Variants in AKR1B15 observed in about 807,000 individuals in gnomAD.
AKR1B15 encodes estradiol 17-beta-dehydrogenase AKR1B15.
Under a neutral mutation model 38.5 loss-of-function variants are expected in AKR1B15, and 49 were observed. The ratio of observed to expected loss-of-function variants is 1.27; its 90% CI spans 1.01 to 1.62. AKR1B15 has a LOEUF of 1.62. AKR1B15 is among the 40% of genes most tolerant of loss of function. The pLI, the probability that AKR1B15 is intolerant of heterozygous loss-of-function variation, is 0.00. For synonymous variants in AKR1B15, 137 were observed against 135.5 expected (o/e 1.01, Z -0.08); for missense variants, 411 against 381.6 (o/e 1.08, Z -0.64).
intron 1 of AKR1B15, among the ~76,000 whole-genome samples, chr7:134,550,804 C>T (rs538905249): frequency 1.3e-4 from 20 of 152,232 alleles, no homozygotes; most frequent in East Asian, 5.8e-4. Flanking sequence ...TTACGGGGTC[C>T]GCCTTAAAAA....
intron 2 of AKR1B15, among the ~76,000 whole-genome samples, chr7:134,562,096 G>T (rs910528166): frequency 2.0e-5 from 3 of 152,080 alleles, no homozygotes; most frequent in Admixed American, 2.0e-4. Flanking sequence ...CAATTCTCCT[G>T]TCTCAGCCTC....
At chr7:134,551,254 C>T (rs1020094130) in intron 1 of AKR1B15, among the ~76,000 whole-genome samples, 2 of 152,198 alleles carry the variant, frequency 1.3e-5, no homozygotes. Context: ...ATGGCCTCAG[C>T]CGGAGGAGGT....
At chr7:134,564,518 G>T in intron 2 of AKR1B15, 80 bp from the exon 3 acceptor site, 1 of 555,712 alleles carries the variant, frequency 1.8e-6, no homozygotes, top group Non-Finnish European at 3.2e-6. Context: ...CCCCTTTCTA[G>T]GTCCCATGAA....
In AKR1B15 at chr7:134,579,600, G is replaced by A; in HGVS notation, c.*51G>A. The A allele has an allele frequency of 6.7e-7, 1 of 1,487,314 alleles. No homozygotes were observed. Among genetic ancestry groups the A allele is most frequent in the South Asian group, 1.3e-5 (1 of 78,188 alleles). 92.1% of individuals were successfully genotyped at this position (1,487,314 alleles called of 1,614,324 possible). A position where few individuals can be genotyped will look rare whatever the true frequency, so the allele number is the denominator to read the frequency against. On this transcript the variant is annotated 3_prime_UTR_variant, in exon 12 of 12. Coordinates refer to ENST00000457545, the MANE Select transcript of AKR1B15 (RefSeq NM_001080538.3). ...CAGGGGATTCTCTTTCTTCGCTGAAGTGTGACTGTCTCCACTCAAGAACTA... is the reference window on the plus strand; with the variant it reads ...CAGGGGATTCTCTTTCTTCGCTGAAATGTGACTGTCTCCACTCAAGAACTA...
chr7:134,565,553 A>T (rs547936566), intron 3 of AKR1B15: 1 of 1,613,660 alleles, frequency 6.2e-7, no homozygotes. Context: ...GAGGGTAAAT[A>T]TGCAAATCTT....
rs1357037077 is a variant in AKR1B15, at chr7:134,579,767, C to G, written c.*218C>G. On this transcript the variant is annotated 3_prime_UTR_variant, in exon 12 of 12. Transcript: ENST00000457545. Reference sequence around the variant, plus strand: ...AAGCATGGCCTGAATAAGCAAATGACAATTTTTTCCACTTATCTGATCTGA... The same window carrying G: ...AAGCATGGCCTGAATAAGCAAATGAGAATTTTTTCCACTTATCTGATCTGA... 2.0e-6 allele frequency: 1 copy of G among 492,850 alleles called. No individual in the cohort carries two copies. Among genetic ancestry groups the G allele is most frequent in the African/African-American group, 2.0e-5 (1 of 49,932 alleles). 30.5% of individuals were successfully genotyped at this position (492,850 alleles called of 1,614,324 possible).
intron 1 of AKR1B15, among the ~76,000 whole-genome samples, chr7:134,551,116 CCTT>C (rs753564376): frequency 1.3e-5 from 2 of 152,202 alleles, no homozygotes; most frequent in African/African-American, 4.8e-5. Flanking sequence ...TGTACTGCCT[CCTT>C]CTGAAGAAGA....
intron 11 of AKR1B15, among the ~76,000 whole-genome samples, chr7:134,578,330 G>A (rs1262278378): frequency 1.3e-5 from 2 of 152,168 alleles, no homozygotes; most frequent in Non-Finnish European, 2.9e-5. Context: ...TGAGGGATAT[G>A]CCATATGTAT....
intron 1 of AKR1B15, among the ~76,000 whole-genome samples, chr7:134,554,772 C>T (rs1084613): frequency 0.025 from 3,800 of 152,188 alleles, 162 homozygotes; most frequent in African/African-American, 0.086. Flanking sequence ...ACTGCTACCA[C>T]GGTAGTTAAG....
chr7:134,556,565 C>G lies in AKR1B15; in HGVS notation c.-146-171C>G, dbSNP rs75581814. 4.6e-5 allele frequency among the ~76,000 whole-genome samples: 7 copies of G among 152,266 alleles called. 1 individual carries two copies. The East Asian group carries it at 1.4e-3, about 29-fold the overall frequency. On this transcript the variant is annotated intron_variant, in intron 1 of 11. Coordinates refer to ENST00000457545, the MANE Select transcript of AKR1B15 (RefSeq NM_001080538.3). ...CTTCCTTAAACCCCTCAGTCTCCTA[C>G]CAGGCACCCAAAAATACCTGGTTGG...
intron 3 of AKR1B15, chr7:134,565,328 C>A: frequency 7.8e-7 from 1 of 1,283,762 alleles, no homozygotes; most frequent in Non-Finnish European, 1.1e-6. Flanking sequence ...ACTCCAGACA[C>A]AACATCTTTA....
At chr7:134,576,484 G>C (rs1334545001) in intron 9 of AKR1B15, 54 bp downstream of exon 9, 4 of 1,592,710 alleles carry the variant, frequency 2.5e-6, no homozygotes, top group Non-Finnish European at 3.4e-6. Context: ...CCAGTCTCAT[G>C]TTTCATTTCT....
rs189253733 is a variant in AKR1B15, at chr7:134,575,482, C to A, written c.576C>A (p.His192Gln). The change falls in exon 7 of 12, where the codon CAC becomes CAA. Residue 192 changes from histidine to glutamine, a missense_variant. Around this residue, in one of 3 missense-constraint regions of AKR1B15, gnomAD observed 254 missense variants for 212.4 expected, o/e 1.20. Transcript: ENST00000457545. ...VKALGVSNFN[H>Q]FQIERLLNKP... The stretch of plus-strand genomic sequence containing the variant: ...CCCTTGGGGTCTCAAATTTCAACCA[C>A]TTCCAGATCGAGAGGCTCTTGAACA... The A allele has an allele frequency of 6.3e-4, 1,017 of 1,613,918 alleles. No individual in the cohort carries two copies. Among genetic ancestry groups the A allele is most frequent in the Non-Finnish European group, 7.9e-4 (934 of 1,179,822 alleles).
rs573040477 is a variant in AKR1B15 at position 134,576,450 on chromosome 7, C to A, written c.825+20C>A. ...GCCCAGGTACCATATTTTTATTTTT[C>A]TTGTTATCCAACCACTCATGCTTCC... is the stretch of plus-strand genomic sequence containing the variant. On this transcript the variant is annotated intron_variant, in intron 9 of 11. Coordinates refer to ENST00000457545, the MANE Select transcript of AKR1B15 (RefSeq NM_001080538.3). The A allele has an allele frequency of 1.3e-5, 21 of 1,612,608 alleles. No homozygotes were observed. In the African/African-American group the frequency reaches 2.1e-4, roughly 16 times the overall value.
chr7:134,557,237 G>A (rs992934362), intron 2 of AKR1B15, among the ~76,000 whole-genome samples: 3 of 152,120 alleles, frequency 2.0e-5, no homozygotes, highest in African/African-American at 7.2e-5. Context: ...TTCAGGCCTT[G>A]TATATTAAAT....
In AKR1B15 at chr7:134,577,026, C is replaced by T; in HGVS notation, c.889C>T (p.His297Tyr). 1.9e-6 allele frequency: 3 copies of T among 1,613,884 alleles called. No individual in the cohort carries two copies. The highest frequency in any genetic ancestry group is 2.5e-6 in the Non-Finnish European group (3 of 1,179,794). ...GATCCCCAAGTCTATGACACCAGCA[C>T]ACATTGTTGAGAACATTCAGGTAAG... ...TVIPKSMTPA[H>Y]IVENIQVFDF... Residue 297 changes from histidine (H) to tyrosine (Y), a missense_variant, in exon 10 of 12, where the codon CAC becomes TAC. Transcript: ENST00000457545.
chr7:134,564,642 A>G lies in AKR1B15; in HGVS notation c.23A>G (p.Gln8Arg). 1.4e-6 allele frequency: 1 copy of G among 698,458 alleles called. No individual in the cohort carries two copies. Among genetic ancestry groups the G allele is most frequent in the Non-Finnish European group, 2.6e-6 (1 of 383,748 alleles). 43.3% of individuals were successfully genotyped at this position (698,458 alleles called of 1,614,324 possible). Residue 8 changes from glutamine to arginine, a missense_variant, in exon 3 of 12, where the codon CAA becomes CGA. Physicochemically the swap from Gln to Arg is conservative, Grantham distance 43. Around this residue, in one of 3 missense-constraint regions of AKR1B15, gnomAD observed 254 missense variants for 212.4 expected, o/e 1.20. Coordinates refer to ENST00000457545, the MANE Select transcript of AKR1B15 (RefSeq NM_001080538.3). ...CAGATGGTCTTACAAATGGAACCCC[A>G]AGTGAACTCAACTAACAACTTCCAC... The part of the protein sequence containing the change: MVLQMEP[Q>R]VNSTNNFHQG...
At chr7:134,552,051 T>G (rs1794001943) in intron 1 of AKR1B15, among the ~76,000 whole-genome samples, 1 of 152,156 alleles carries the variant, frequency 6.6e-6, no homozygotes, top group Admixed American at 6.5e-5. Context: ...ATAAAAAGGT[T>G]GCTGAGTAAA....
intron 1 of AKR1B15, among the ~76,000 whole-genome samples, chr7:134,554,875 G>A (rs930274176): frequency 5.3e-5 from 8 of 152,098 alleles, no homozygotes; most frequent in Admixed American, 5.2e-4. Context: ...TAGCTCAGTC[G>A]GTCAGCAAGG....
Sources: allele counts gnomAD v4.1 joint callset (sites outside exome capture counted in the v4.1 genomes callset), GRCh38; gene constraint gnomAD v4.1.1; regional missense constraint gnomAD v4.1.1; transcripts MANE v1.5; gene names NCBI Gene and HGNC (gene_info 2026-07-23, HGNC 2026-07-21).